The following SLC4A10 variants were observed in gnomAD, a reference collection of about 807,000 sequenced individuals.
SLC4A10 encodes the protein sodium-driven chloride bicarbonate exchanger.
SLC4A10 carries 42 observed loss-of-function variants against 137.7 expected under a neutral mutation model. The observed-to-expected ratio is 0.30, with a 90% confidence interval of 0.24 to 0.39. The LOEUF is 0.39. SLC4A10 is among the 10% of genes least tolerant of loss of function. The probability of loss-of-function intolerance (pLI) is 1.00; values close to 1 mark genes in which losing one functional copy is unlikely to be tolerated. For missense variants in SLC4A10, 925 were observed against 1,355.0 expected (o/e 0.68, Z 4.98); for synonymous variants, 474 against 464.1 (o/e 1.02, Z -0.27).
At chr2:161,657,085 G>A (rs2037642741) in intron 1 of SLC4A10, among the ~76,000 whole-genome samples, 1 of 149,680 alleles carries the variant, frequency 6.7e-6, no homozygotes, top group African/African-American at 2.4e-5. Context: ...ATTGTAGCAA[G>A]CTTTAATAAT....
In SLC4A10 at chr2:161,944,365, A is replaced by T. The variant is rs997529711; in HGVS notation, c.2103+1468A>T. 4.0e-5 allele frequency among the ~76,000 whole-genome samples: 6 copies of T among 151,852 alleles called. No individual in the cohort carries two copies. In the East Asian group the frequency reaches 1.2e-3, roughly 29 times the overall value. On this transcript the variant is annotated intron_variant, in intron 16 of 26. Transcript: ENST00000446997. ...TCCCATCTCTAAGTTATATAACATG[A>T]TAATTTACTCTATATGTGTTTTGTA... is the stretch of plus-strand genomic sequence containing the variant.
chr2:161,643,581 A>G (rs2035604367), intron 1 of SLC4A10, among the ~76,000 whole-genome samples: 1 of 152,154 alleles, frequency 6.6e-6, no homozygotes, highest in South Asian at 2.1e-4. Context: ...ACATATGACA[A>G]AAGAGATAGT....
intron 23 of SLC4A10, among the ~76,000 whole-genome samples, chr2:161,971,491 G>C (rs4664442): frequency 5.9e-5 from 9 of 151,964 alleles, no homozygotes; most frequent in Non-Finnish European, 1.3e-4. Flanking sequence ...CTTTTAATGG[G>C]TCCTATGTAA....
In SLC4A10 at chr2:161,704,302, C is replaced by A. The variant is rs139078542; in HGVS notation, c.49-66671C>A. On this transcript the variant is annotated intron_variant, in intron 1 of 26. Coordinates refer to ENST00000446997, the MANE Select transcript of SLC4A10 (RefSeq NM_001178015.2). ...TAAATAAAGTGTGAAAGTAAACAAT[C>A]AATCACACACGCACATAATAAATAA... is the stretch of plus-strand genomic sequence containing the variant. Among the ~76,000 whole-genome samples the A allele has an allele frequency of 3.3e-5, 5 of 151,600 alleles. No individual in the cohort carries two copies. In the Admixed American group the frequency reaches 3.3e-4, roughly 10 times the overall value.
At position 161,965,153 on chromosome 2, in the gene SLC4A10, C is replaced by A. The variant is rs768286292; in HGVS notation, c.3139C>A (p.Leu1047Met). 1 of 1,609,676 alleles carries A rather than the reference C, an allele frequency of 6.2e-7. No homozygotes were observed. The highest frequency in any genetic ancestry group is 2.2e-5 in the East Asian group (1 of 44,728). ...GATGCCCGAGAGTAAGAAAAAGAAA[C>A]TGGAAGATGCTGAAAAAGAAGTAAG... The part of the protein sequence containing the change: ...DLMPESKKKK[L>M]EDAEKEEEQS... The change falls in exon 23 of 27, where the codon CTG becomes ATG. Residue 1047 changes from leucine (L) to methionine (M), a missense_variant. Leu to Met is a conservative substitution (Grantham distance 15, BLOSUM62 2). This residue lies in a region of SLC4A10 where 115 missense variants were observed against 237.5 expected (regional missense o/e 0.48). Transcript: ENST00000446997.
chr2:161,837,864 T>G (rs935245441), intron 3 of SLC4A10, among the ~76,000 whole-genome samples: 9 of 152,186 alleles, frequency 5.9e-5, no homozygotes, highest in Non-Finnish European at 1.2e-4. Context: ...GGTGAAGCCC[T>G]TATGATTGGG....
intron 1 of SLC4A10, among the ~76,000 whole-genome samples, chr2:161,760,819 G>A (rs1030902162): frequency 1.3e-5 from 2 of 151,676 alleles, no homozygotes; most frequent in Admixed American, 1.3e-4. Flanking sequence ...TGTCCTAATG[G>A]TTTTTGTGGC....
chr2:161,770,713 A>G (rs886182655), intron 1 of SLC4A10, among the ~76,000 whole-genome samples: 8 of 151,838 alleles, frequency 5.3e-5, no homozygotes, highest in Admixed American at 2.0e-4. Flanking sequence ...TTTTCATCTC[A>G]CTGACAAATG....
chr2:161,678,333 A>C (rs2040483174), intron 1 of SLC4A10, among the ~76,000 whole-genome samples: 1 of 152,322 alleles, frequency 6.6e-6, no homozygotes, highest in Admixed American at 6.5e-5. Flanking sequence ...CATTTTTGCT[A>C]TTTATAGAGA....
At chr2:161,750,372 G>A (rs769937064) in intron 1 of SLC4A10, among the ~76,000 whole-genome samples, 1 of 151,352 alleles carries the variant, frequency 6.6e-6, no homozygotes, top group Non-Finnish European at 1.5e-5. Flanking sequence ...TTTAATGTAG[G>A]CATTTATTGT....
chr2:161,643,910 T>A (rs1045341835), intron 1 of SLC4A10, among the ~76,000 whole-genome samples: 1 of 152,238 alleles, frequency 6.6e-6, no homozygotes, highest in Non-Finnish European at 1.5e-5. Context: ...AGAGAGATGG[T>A]TCAAAATAGA....
intron 1 of SLC4A10, among the ~76,000 whole-genome samples, chr2:161,721,056 T>C (rs938337269): frequency 7.2e-5 from 11 of 152,206 alleles, no homozygotes; most frequent in African/African-American, 2.7e-4. Flanking sequence ...CTTGAACTCC[T>C]GTCCTCAGGT....
intron 2 of SLC4A10, among the ~76,000 whole-genome samples, chr2:161,778,502 G>T (rs938061548): frequency 7.9e-5 from 12 of 151,944 alleles, no homozygotes; most frequent in Non-Finnish European, 1.6e-4. Flanking sequence ...AAAATGTGTT[G>T]CATTGAGTGC....
intron 1 of SLC4A10, among the ~76,000 whole-genome samples, chr2:161,631,958 T>C (rs144733267): frequency 5.9e-5 from 9 of 151,790 alleles, no homozygotes; most frequent in Non-Finnish European, 1.3e-4. Flanking sequence ...GACTTGCTCA[T>C]TCATCATGAA....
chr2:161,755,762 G>C (rs112617101), intron 1 of SLC4A10, among the ~76,000 whole-genome samples: 1 of 150,332 alleles, frequency 6.7e-6, no homozygotes, highest in Non-Finnish European at 1.5e-5. Flanking sequence ...GTCTTAACTC[G>C]TTCCTTAAAT....
Position 161,882,429 on chromosome 2 carries a change from C to A in SLC4A10, c.1179C>A (p.Thr393=). The A allele has an allele frequency of 2.5e-6, 4 of 1,593,926 alleles. No individual in the cohort carries two copies. Among genetic ancestry groups the A allele is most frequent in the Non-Finnish European group, 3.4e-6 (4 of 1,169,274 alleles). ...ATGAGATTGGCAGATCAATTGCAAC[C>A]CTAATGACAGATGAGGTATTTATTC... is the stretch of plus-strand genomic sequence containing the variant. ...QYHEIGRSIA[T]LMTDEVFHDV... is the part of the protein sequence containing the mutation. The change falls in exon 10 of 27, where the codon ACC becomes ACA. Residue 393 remains threonine (T), a synonymous_variant. Coordinates refer to ENST00000446997, the MANE Select transcript of SLC4A10 (RefSeq NM_001178015.2).
intron 2 of SLC4A10, among the ~76,000 whole-genome samples, chr2:161,782,548 A>G (rs924279343): frequency 1.3e-5 from 2 of 151,762 alleles, no homozygotes; most frequent in Admixed American, 6.6e-5. Context: ...TACACAATTT[A>G]CCTGGAAAAG....
chr2:161,956,307 C>T lies in SLC4A10; in HGVS notation c.2542-682C>T, dbSNP rs192584065. ...TTAAGTGATTTATTGGTTGAGCTAG[C>T]ATTTCATTCCAGGCAGTCTGACTCC... On this transcript the variant is annotated intron_variant, in intron 19 of 26. Transcript: ENST00000446997. Among the ~76,000 whole-genome samples, 137 of 152,292 alleles carry T rather than the reference C, an allele frequency of 9.0e-4. 1 individual carries two copies. Among genetic ancestry groups the T allele is most frequent in the Non-Finnish European group, 1.0e-4 (7 of 68,022 alleles).
At chr2:161,893,779 T>G (rs1417125290) in intron 10 of SLC4A10, among the ~76,000 whole-genome samples, 1 of 151,786 alleles carries the variant, frequency 6.6e-6, no homozygotes, top group Non-Finnish European at 1.5e-5. Context: ...TGCATAAAAA[T>G]TATACAGTAT....
Sources: gnomAD v4.1 joint callset for allele counts (sites outside exome capture counted in the v4.1 genomes callset) on GRCh38, gnomAD v4.1.1 for gene constraint, gnomAD v4.1.1 regional missense constraint, MANE v1.5 for transcripts, NCBI Gene and HGNC (gene_info 2026-07-23, HGNC 2026-07-21) for gene names.